Variants in SCN9A observed in about 807,000 individuals in gnomAD.
SCN9A encodes sodium channel protein type 9 subunit alpha.
Under a neutral mutation model 187.0 loss-of-function variants are expected in SCN9A, and 131 were observed. That is an observed-to-expected ratio of 0.70 (90% CI 0.61 to 0.81). The LOEUF (loss-of-function observed/expected upper bound fraction) is 0.81. Among genes scored for constraint, SCN9A ranks in the 30% least tolerant of loss-of-function variants. SCN9A has a pLI of 0.00. For synonymous variants in SCN9A, 809 were observed against 808.6 expected (o/e 1.00, Z -0.01); for missense variants, 2,252 against 2,396.6 (o/e 0.94, Z 1.26).
At chr2:166,245,354 A>G (rs1695741325) in intron 18 of SCN9A, among the ~76,000 whole-genome samples, 1 of 152,024 alleles carries the variant, frequency 6.6e-6, no homozygotes, top group Non-Finnish European at 1.5e-5. Context: ...TCCTTGGAGA[A>G]CCAGTTTATA....
chr2:166,370,182 C>A (rs888760716), intron 1 of SCN9A, among the ~76,000 whole-genome samples: 4 of 146,986 alleles, frequency 2.7e-5, no homozygotes, highest in African/African-American at 5.1e-5. Context: ...AGTGAAATTA[C>A]CCCCAGTTAA....
In SCN9A at chr2:166,198,946, C is replaced by A; in HGVS notation, c.5693G>T (p.Arg1898Leu). The A allele has an allele frequency of 6.2e-7, 1 of 1,613,934 alleles. No individual in the cohort carries two copies. The highest frequency in any genetic ancestry group is 8.5e-7 in the Non-Finnish European group (1 of 1,179,878). ...CCTTAAGCGGTAACGTCTATAAGCA[C>A]GCTGAATGACAGTAGCAGACACATC... ...QEDVSATVIQ[R>L]AYRRYRLRQN... The change falls in exon 27 of 27, where the codon CGT (arginine) becomes CTT (leucine). Residue 1898 changes from arginine (R) to leucine (L), a missense_variant. This residue lies in a region of SCN9A where 345 missense variants were observed against 344.6 expected (regional missense o/e 1.00). Coordinates refer to ENST00000642356, the MANE Select transcript of SCN9A (RefSeq NM_001365536.1).
chr2:166,338,389 A>G (rs964765695), intron 1 of SCN9A, among the ~76,000 whole-genome samples: 3 of 151,972 alleles, frequency 2.0e-5, no homozygotes, highest in African/African-American at 7.3e-5. Flanking sequence ...TATACAAGAT[A>G]TTACTATTAC....
At chr2:166,349,687 C>T (rs1699986531) in intron 1 of SCN9A, among the ~76,000 whole-genome samples, 1 of 152,026 alleles carries the variant, frequency 6.6e-6, no homozygotes, top group South Asian at 2.1e-4. Context: ...ATAACAATAC[C>T]TCAGACCGGG....
intron 1 of SCN9A, among the ~76,000 whole-genome samples, chr2:166,369,862 A>AT (rs1293445329): frequency 6.6e-6 from 1 of 151,992 alleles, no homozygotes; most frequent in African/African-American, 2.4e-5. Context: ...GTAGAAACAG[A>AT]TTTTCCTTTT....
chr2:166,241,958 T>C (rs1695583742), intron 19 of SCN9A, among the ~76,000 whole-genome samples: 1 of 152,128 alleles, frequency 6.6e-6, no homozygotes, highest in African/African-American at 2.4e-5. Flanking sequence ...ATTATAATTC[T>C]CTGCAAGACT....
chr2:166,351,479 A>C (rs1184069411), intron 1 of SCN9A, among the ~76,000 whole-genome samples: 2 of 152,216 alleles, frequency 1.3e-5, no homozygotes, highest in Non-Finnish European at 1.5e-5. Context: ...AGACTGATGT[A>C]TATTTAATCA....
chr2:166,340,728 C>T (rs983926535), intron 1 of SCN9A, among the ~76,000 whole-genome samples: 4 of 151,952 alleles, frequency 2.6e-5, no homozygotes. Context: ...TCAAGTGACC[C>T]TCCCACCTCA....
intron 24 of SCN9A, among the ~76,000 whole-genome samples, chr2:166,209,679 T>A (rs1033655917): frequency 6.6e-6 from 1 of 151,992 alleles, no homozygotes; most frequent in Admixed American, 6.6e-5. Flanking sequence ...AAGAAGACAT[T>A]TATGCAGCCA....
chr2:166,332,395 G>C (rs1190164110), intron 1 of SCN9A, among the ~76,000 whole-genome samples: 1 of 152,138 alleles, frequency 6.6e-6, no homozygotes, highest in African/African-American at 2.4e-5. Context: ...TCTCTTGCTT[G>C]TAATCAATAT....
intron 26 of SCN9A, among the ~76,000 whole-genome samples, chr2:166,201,294 ATATACT>A (rs1693505161): frequency 1.4e-5 from 2 of 148,074 alleles, no homozygotes; most frequent in South Asian, 4.2e-4. Context: ...ATACATATAC[ATATACT>A]AAGTATACGT....
chr2:166,275,778 A>AT (rs1055277754), intron 16 of SCN9A, among the ~76,000 whole-genome samples: 2 of 152,236 alleles, frequency 1.3e-5, no homozygotes, highest in African/African-American at 4.8e-5. Flanking sequence ...CAGGATGTAT[A>AT]TTTTTTGTGC....
intron 7 of SCN9A, chr2:166,302,199 G>A (rs1411960787): frequency 6.9e-6 from 1 of 144,048 alleles, no homozygotes; most frequent in East Asian, 1.9e-4. Context: ...GTATTCACGT[G>A]GGCACCATCA....
intron 24 of SCN9A, among the ~76,000 whole-genome samples, chr2:166,205,843 A>C (rs1245850709): frequency 6.6e-6 from 1 of 152,218 alleles, no homozygotes; most frequent in Non-Finnish European, 1.5e-5. Flanking sequence ...TCCATCAAAA[A>C]GTGGGCAAAG....
At chr2:166,335,085 C>T (rs1699595301) in intron 1 of SCN9A, among the ~76,000 whole-genome samples, 2 of 152,114 alleles carry the variant, frequency 1.3e-5, no homozygotes, top group Non-Finnish European at 1.5e-5. Flanking sequence ...TTGTTTAATG[C>T]ACATCCATTG....
At chr2:166,371,196 TG>T (rs1425338612) in intron 1 of SCN9A, among the ~76,000 whole-genome samples, 1 of 152,232 alleles carries the variant, frequency 6.6e-6, no homozygotes, top group African/African-American at 2.4e-5. Context: ...ACATATTTTT[TG>T]CTTACAGTAA....
At chr2:166,270,344 G>A (rs1046680844) in intron 17 of SCN9A, among the ~76,000 whole-genome samples, 3 of 151,892 alleles carry the variant, frequency 2.0e-5, no homozygotes, top group Non-Finnish European at 4.4e-5. Flanking sequence ...ATGAGAGGAT[G>A]TGTGTAGGTT....
intron 20 of SCN9A, among the ~76,000 whole-genome samples, chr2:166,234,310 C>A (rs1695219211): frequency 6.6e-6 from 1 of 152,142 alleles, no homozygotes; most frequent in African/African-American, 2.4e-5. Context: ...GGAAAATATT[C>A]ATTTGCCTCA....
chr2:166,217,772 A>T (rs1237214490), intron 24 of SCN9A, among the ~76,000 whole-genome samples: 1 of 152,108 alleles, frequency 6.6e-6, no homozygotes, highest in Non-Finnish European at 1.5e-5. Context: ...TGAAAATGTA[A>T]ATTAGTACAG....
Sources: allele counts gnomAD v4.1 joint callset (sites outside exome capture counted in the v4.1 genomes callset), GRCh38; gene constraint gnomAD v4.1.1; regional missense constraint gnomAD v4.1.1; transcripts MANE v1.5; gene names NCBI Gene and HGNC (gene_info 2026-07-23, HGNC 2026-07-21).